The following CLVS1 variants were observed in gnomAD, a reference collection of about 807,000 sequenced individuals.
The protein encoded by CLVS1 is clavesin 1, also known as clavesin-1.
In CLVS1, 10 loss-of-function variants were observed where a neutral mutation model predicts 33.1. The observed-to-expected ratio is 0.30, with a 90% CI of 0.19 to 0.51. The LOEUF is 0.51. Ranked by LOEUF, CLVS1 falls within the 20% of genes least tolerant of loss-of-function variation. The probability of loss-of-function intolerance (pLI) is 0.97; values close to 1 mark genes in which losing one functional copy is unlikely to be tolerated. For missense variants in CLVS1, 343 were observed against 433.4 expected, an observed-to-expected ratio of 0.79 and a Z score of 1.85; for synonymous variants, 163 against 166.1, an observed-to-expected ratio of 0.98 and a Z score of 0.14.
At chr8:61,440,463 T>C (rs1816498334) in intron 3 of CLVS1, among the ~76,000 whole-genome samples, 1 of 152,258 alleles carries the variant, frequency 6.6e-6, no homozygotes, top group Non-Finnish European at 1.5e-5. Flanking sequence ...TTTGTGTGGT[T>C]CAAATTTACC....
the CLVS1 span, among the ~76,000 whole-genome samples, chr8:60,978,725 G>T: frequency 5.2e-5 from 7 of 135,502 alleles, no homozygotes; most frequent in African/African-American, 1.7e-4. Flanking sequence ...TGAGGCAGGA[G>T]AATTGCTTGA....
At chr8:61,266,983 T>G (rs1809322417) in intron 2 of CLVS1, among the ~76,000 whole-genome samples, 1 of 152,230 alleles carries the variant, frequency 6.6e-6, no homozygotes, top group Non-Finnish European at 1.5e-5. Flanking sequence ...AGAGGCAGTT[T>G]CACTTTGAAC....
chr8:61,320,785 C>T (rs1342383720), intron 2 of CLVS1, among the ~76,000 whole-genome samples: 1 of 152,132 alleles, frequency 6.6e-6, no homozygotes, highest in African/African-American at 2.4e-5. Context: ...AAAGGCTCCA[C>T]CTTCTAATTC....
chr8:61,381,061 G>GT (rs927311322), intron 3 of CLVS1, among the ~76,000 whole-genome samples: 39 of 151,472 alleles, frequency 2.6e-4, no homozygotes, highest in Non-Finnish European at 4.6e-4. Context: ...TCTATTTTTT[G>GT]TTTTTTTCTC....
intron 2 of CLVS1, among the ~76,000 whole-genome samples, chr8:61,374,968 T>C (rs1336514894): frequency 6.6e-6 from 1 of 152,194 alleles, no homozygotes; most frequent in Non-Finnish European, 1.5e-5. Flanking sequence ...TTTATCTGTG[T>C]CACTTCTCTC....
At chr8:61,343,143 G>T (rs748766396) in intron 2 of CLVS1, among the ~76,000 whole-genome samples, 9 of 152,200 alleles carry the variant, frequency 5.9e-5, no homozygotes, top group Non-Finnish European at 1.3e-4. Context: ...AGCTGGTACA[G>T]CATGATTCTG....
At chr8:60,992,222 T>C in the CLVS1 span, among the ~76,000 whole-genome samples, 1 of 152,236 alleles carries the variant, frequency 6.6e-6, no homozygotes. Context: ...ATTGTCTGAC[T>C]TTATATTTTT....
chr8:61,185,154 TG>T (rs66964992), intron 2 of CLVS1, among the ~76,000 whole-genome samples: 10,675 of 149,826 alleles, frequency 0.071, 575 homozygotes, highest in African/African-American at 0.12. Flanking sequence ...TTTTTGTTTT[TG>T]TTTTTTGTGA....
intron 2 of CLVS1, among the ~76,000 whole-genome samples, chr8:61,170,441 G>A (rs895648473): frequency 1.3e-5 from 2 of 152,106 alleles, no homozygotes; most frequent in African/African-American, 2.4e-5. Context: ...TCTCAACACT[G>A]TCATTGTAAG....
intron 3 of CLVS1, among the ~76,000 whole-genome samples, chr8:61,392,677 G>T (rs1814352962): frequency 6.6e-6 from 1 of 151,734 alleles, no homozygotes; most frequent in South Asian, 2.1e-4. Context: ...TGCCAACATG[G>T]TGAAACACCA....
intron 2 of CLVS1, chr8:61,202,546 A>G: frequency 8.7e-7 from 1 of 1,147,966 alleles, no homozygotes; most frequent in South Asian, 1.2e-5. Flanking sequence ...AGAGGCAATG[A>G]ATTACGAAGG....
At chr8:61,003,568 G>C in the CLVS1 span, among the ~76,000 whole-genome samples, 3 of 152,206 alleles carry the variant, frequency 2.0e-5, no homozygotes, top group African/African-American at 7.2e-5. Flanking sequence ...CACAGAATTT[G>C]ATGGTTTAGC....
At chr8:61,164,044 C>T (rs991701789) in intron 2 of CLVS1, among the ~76,000 whole-genome samples, 1 of 152,210 alleles carries the variant, frequency 6.6e-6, no homozygotes, top group Non-Finnish European at 1.5e-5. Context: ...ATATCCCAAT[C>T]ATTGTCCCTC....
At chr8:61,338,189 A>T (rs1256524800) in intron 2 of CLVS1, among the ~76,000 whole-genome samples, 1 of 152,080 alleles carries the variant, frequency 6.6e-6, no homozygotes, top group African/African-American at 2.4e-5. Flanking sequence ...CAGAGCCTCC[A>T]TTTCTGCAAA....
At chr8:61,074,901 T>C (rs957736955) in intron 1 of CLVS1, among the ~76,000 whole-genome samples, 8 of 152,144 alleles carry the variant, frequency 5.3e-5, no homozygotes, top group Admixed American at 2.6e-4. Flanking sequence ...CTTGGATGAA[T>C]AGAGAGGGCT....
intron 2 of CLVS1, among the ~76,000 whole-genome samples, chr8:61,249,955 A>T (rs1269927816): frequency 2.0e-5 from 3 of 152,094 alleles, no homozygotes; most frequent in Non-Finnish European, 4.4e-5. Context: ...TCCTGTTGCC[A>T]TTGTTTTTGG....
chr8:61,377,497 T>C (rs1470491282), intron 3 of CLVS1: 1 of 152,224 alleles, frequency 6.6e-6, no homozygotes, highest in Non-Finnish European at 1.5e-5. Flanking sequence ...ATAAAACTTC[T>C]GTCCCTTCTT....
intron 3 of CLVS1, among the ~76,000 whole-genome samples, chr8:61,398,872 G>C (rs978003337): frequency 6.6e-6 from 1 of 152,160 alleles, no homozygotes; most frequent in African/African-American, 2.4e-5. Flanking sequence ...CCCTGCAAAG[G>C]ACATGATCTT....
intron 1 of CLVS1, among the ~76,000 whole-genome samples, chr8:61,103,436 A>G (rs544913947): frequency 1.3e-5 from 2 of 152,356 alleles, no homozygotes; most frequent in East Asian, 3.9e-4. Context: ...ATCTAGAAAA[A>G]GATGAGCATC....
Sources: allele counts gnomAD v4.1 joint callset (sites outside exome capture counted in the v4.1 genomes callset), GRCh38; gene constraint gnomAD v4.1.1; transcripts MANE v1.5; gene names NCBI Gene and HGNC (gene_info 2026-07-23, HGNC 2026-07-21).